Variants in SGTB observed in about 807,000 individuals in gnomAD.
SGTB encodes small glutamine-rich tetratricopeptide repeat-containing protein beta.
Under a neutral mutation model 43.9 loss-of-function variants are expected in SGTB, and 19 were observed. The ratio of observed to expected loss-of-function variants is 0.43; its 90% CI spans 0.30 to 0.63. SGTB has a LOEUF of 0.63. Ranked by LOEUF, SGTB falls within the 30% of genes least tolerant of loss-of-function variation. The probability of loss-of-function intolerance (pLI) is 0.12; values close to 1 mark genes in which losing one functional copy is unlikely to be tolerated. For missense variants in SGTB, 304 were observed against 358.9 expected (o/e 0.85, Z 1.24); for synonymous variants, 116 against 117.3 (o/e 0.99, Z 0.07).
intron 6 of SGTB, among the ~76,000 whole-genome samples, chr5:65,681,380 A>G (rs1757394189): frequency 6.6e-6 from 1 of 152,208 alleles, no homozygotes; most frequent in African/African-American, 2.4e-5. Context: ...GAGGTATTAA[A>G]TTTTAATGTT....
In SGTB at chr5:65,708,514, T is replaced by C; in HGVS notation, c.249A>G (p.Gly83=). The C allele has an allele frequency of 1.2e-6, 2 of 1,613,530 alleles. No homozygotes were observed. Among genetic ancestry groups the C allele is most frequent in the Non-Finnish European group, 1.7e-6 (2 of 1,179,800 alleles). ...PLSNSVPEDV[G]KADQLKDEGN... is the part of the protein sequence containing the mutation. Reference sequence around the variant, plus strand: ...CTTCATCTTTTAATTGGTCAGCTTTTCCCACATCTTCAGGCACTGAGTTTG... The same window carrying C: ...CTTCATCTTTTAATTGGTCAGCTTTCCCCACATCTTCAGGCACTGAGTTTG... Residue 83 remains glycine (G), a synonymous_variant, in exon 4 of 11, where the codon GGA becomes GGG. Transcript: ENST00000381007.
At chr5:65,674,002 G>C (rs894575338) in intron 8 of SGTB, among the ~76,000 whole-genome samples, 1 of 152,150 alleles carries the variant, frequency 6.6e-6, no homozygotes, top group Admixed American at 6.5e-5. Flanking sequence ...TCTTCCCTCA[G>C]CTTGCTGATT....
At chr5:65,712,929 C>A in intron 3 of SGTB, 32 bp downstream of exon 3, 1 of 1,518,312 alleles carries the variant, frequency 6.6e-7, no homozygotes, top group South Asian at 1.2e-5. Context: ...GTAGTCATAT[C>A]AGTTAATAAT....
rs1348541301 is a variant in SGTB at position 65,680,793 on chromosome 5, G to A, written c.481C>T (p.Leu161=). ...AATTTATTCAAGGCAGTGAGGGCCA[G>A]CCTGAAGGGAATAGAATATAAGAAT... is the stretch of plus-strand genomic sequence containing the variant. ...KYSKAYGRMG[L]ALTALNKFEE... Residue 161 remains leucine (L), a splice_region_variant and synonymous_variant, in exon 7 of 11, where the codon CTG becomes TTG. Transcript: ENST00000381007. 4 of 1,612,658 alleles carry A rather than the reference G, an allele frequency of 2.5e-6. No individual in the cohort carries two copies. The highest frequency in any genetic ancestry group is 1.7e-5 in the Admixed American group (1 of 59,926).
Position 65,671,993 on chromosome 5 carries a change from G to T in SGTB, c.725C>A (p.Ser242Ter). The T allele has an allele frequency of 6.2e-7, 1 of 1,613,840 alleles. No homozygotes were observed. Among genetic ancestry groups the T allele is most frequent in the South Asian group, 1.1e-5 (1 of 91,064 alleles). The change falls in exon 10 of 11, where the codon TCA (serine) becomes TAA (stop). Residue 242 changes from serine to a stop codon, truncating the protein, a stop_gained. Transcript: ENST00000381007. LOFTEE classifies it high-confidence loss of function. ...MQNPQVQQLM[S>*]GMMTNAIGGP... is the part of the protein sequence containing the mutation. ...CCCAATGGCATTTGTCATCATTCCT[G>T]ACATTCTAGAGTACACAAGAAATAC...
chr5:65,672,201 G>A (rs755489662), intron 9 of SGTB, 43 bp downstream of exon 9: 2 of 1,610,688 alleles, frequency 1.2e-6, no homozygotes, highest in African/African-American at 2.7e-5. Flanking sequence ...CCTGGCAAGT[G>A]GAAGGGTTGG....
At chr5:65,712,771 A>C (rs960263785) in intron 3 of SGTB, among the ~76,000 whole-genome samples, 190 bp downstream of exon 3, 2 of 152,254 alleles carry the variant, frequency 1.3e-5, no homozygotes, top group Non-Finnish European at 2.9e-5. Context: ...ATAGTTATCA[A>C]TATGAAAATC....
intron 5 of SGTB, among the ~76,000 whole-genome samples, chr5:65,691,596 G>C (rs1757610390): frequency 6.6e-6 from 1 of 150,976 alleles, no homozygotes; most frequent in Non-Finnish European, 1.5e-5. Flanking sequence ...CCAAAGTGCT[G>C]GGATTACAGG....
At chr5:65,675,499 T>G (rs1209447067) in intron 8 of SGTB, among the ~76,000 whole-genome samples, 2 of 152,170 alleles carry the variant, frequency 1.3e-5, no homozygotes, top group Non-Finnish European at 2.9e-5. Flanking sequence ...TTTTTATATA[T>G]AATTTTGGAA....
chr5:65,674,123 T>C lies in SGTB; in HGVS notation c.682-1842A>G, dbSNP rs139740941. Among the ~76,000 whole-genome samples the C allele has an allele frequency of 3.2e-3, 488 of 152,342 alleles. 4 individuals carry two copies. Among genetic ancestry groups the C allele is most frequent in the African/African-American group, 0.011 (437 of 41,578 alleles). On this transcript the variant is annotated intron_variant, in intron 8 of 10. Coordinates refer to ENST00000381007, the MANE Select transcript of SGTB (RefSeq NM_019072.3). ...CTTACTAGTTTTGCATTGGTGCTTT[T>C]TGAGTTTGCAAGGTATTCAAAAACT...
In SGTB at chr5:65,669,962, T is replaced by C. The variant is rs1395858915; in HGVS notation, c.*284A>G. The C allele has an allele frequency of 6.9e-6, 2 of 288,560 alleles. No homozygotes were observed. The highest frequency in any genetic ancestry group is 1.3e-5 in the Non-Finnish European group (2 of 155,970). The allele number at this position is 288,560 out of a possible 1,614,324, so 17.9% of individuals were successfully genotyped here. A position where few individuals can be genotyped will look rare whatever the true frequency, so the allele number is the denominator to read the frequency against. ...TATTAAGTCTAATATACAAATATGA[T>C]AGAAGTTTGAAAATGGAACCTTATC... On this transcript the variant is annotated 3_prime_UTR_variant, in exon 11 of 11. Transcript: ENST00000381007.
At chr5:65,705,559 A>G in intron 4 of SGTB, among the ~76,000 whole-genome samples, 1 of 152,222 alleles carries the variant, frequency 6.6e-6, no homozygotes, top group Non-Finnish European at 1.5e-5. Context: ...CTTAAACCAG[A>G]AACTCTCACA....
chr5:65,697,624 A>C (rs1456645258), intron 5 of SGTB, among the ~76,000 whole-genome samples: 2 of 152,236 alleles, frequency 1.3e-5, no homozygotes, highest in Non-Finnish European at 2.9e-5. Flanking sequence ...TTCATTCTCC[A>C]CAAACTATTT....
At chr5:65,713,453 T>C (rs932405818) in intron 2 of SGTB, among the ~76,000 whole-genome samples, 4 of 151,998 alleles carry the variant, frequency 2.6e-5, no homozygotes, top group Non-Finnish European at 4.4e-5. Context: ...CCCTTAGTAA[T>C]TGAGACTATA....
chr5:65,679,864 G>A (rs1757360163), intron 8 of SGTB, among the ~76,000 whole-genome samples: 1 of 152,148 alleles, frequency 6.6e-6, no homozygotes, highest in Non-Finnish European at 1.5e-5. Flanking sequence ...ACATTCGTAC[G>A]TATGTTCACT....
intron 5 of SGTB, among the ~76,000 whole-genome samples, chr5:65,700,532 T>C (rs1433777830): frequency 8.6e-5 from 13 of 150,372 alleles, no homozygotes; most frequent in Admixed American, 8.6e-4. Context: ...TACAAAAAAA[T>C]TAGCCACGCG....
At chr5:65,693,453 A>G (rs1177060205) in intron 5 of SGTB, among the ~76,000 whole-genome samples, 1 of 152,054 alleles carries the variant, frequency 6.6e-6, no homozygotes, top group Admixed American at 6.6e-5. Context: ...AGAGGAAGTA[A>G]ACATGGCAAA....
rs1757130706 is a variant in SGTB, at chr5:65,670,287, G to A, written c.874C>T (p.Arg292Trp). 6 of 1,614,134 alleles carry A rather than the reference G, an allele frequency of 3.7e-6. No individual in the cohort carries two copies. The highest frequency in any genetic ancestry group is 5.1e-6 in the Non-Finnish European group (6 of 1,180,006). The change falls in exon 11 of 11, where the codon CGG (arginine) becomes TGG (tryptophan). Residue 292 changes from arginine to tryptophan, a missense_variant. Physicochemically the swap from Arg to Trp is moderately radical, Grantham distance 101. Transcript: ENST00000381007. Reference sequence around the variant, plus strand: ...GCGCTGCTGCTGAATGATCTGCTCCGGATGTGATTTCTCAGTTGCTCTATA... The same window carrying A: ...GCGCTGCTGCTGAATGATCTGCTCCAGATGTGATTTCTCAGTTGCTCTATA... ...ELIEQLRNHIRSRSFSSSAEE... is the reference protein window; with the variant it reads ...ELIEQLRNHIWSRSFSSSAEE...
At chr5:65,717,928 G>A (rs1758181872) in intron 2 of SGTB, among the ~76,000 whole-genome samples, 1 of 151,954 alleles carries the variant, frequency 6.6e-6, no homozygotes, top group African/African-American at 2.4e-5. Flanking sequence ...AGAAAGGGAA[G>A]GAGATACAAG....
Sources: gnomAD v4.1 joint callset for allele counts (sites outside exome capture counted in the v4.1 genomes callset) on GRCh38, gnomAD v4.1.1 for gene constraint, MANE v1.5 for transcripts, NCBI Gene and HGNC (gene_info 2026-07-23, HGNC 2026-07-21) for gene names.